Variants in PDE12 observed in about 807,000 individuals in gnomAD.
PDE12 encodes 2',5'-phosphodiesterase 12.
A neutral mutation model predicts 45.4 loss-of-function variants in PDE12; 26 were observed. The observed-to-expected ratio is 0.57, with a 90% CI of 0.42 to 0.79. The LOEUF is 0.79. PDE12 is among the 30% of genes least tolerant of loss of function. The probability of loss-of-function intolerance (pLI) is 0.00; values close to 1 mark genes in which losing one functional copy is unlikely to be tolerated. For missense variants in PDE12, 668 were observed against 790.0 expected (o/e 0.85, Z 1.85); for synonymous variants, 283 against 323.9 (o/e 0.87, Z 1.36).
At chr3:57,652,895 T>C in the PDE12 span, among the ~76,000 whole-genome samples, 3,964 of 152,314 alleles carry the variant, frequency 0.026, 170 homozygotes, top group African/African-American at 0.09. Context: ...AGACTGAAGA[T>C]GACTAATGAG....
At chr3:57,608,530 G>A in the PDE12 span, among the ~76,000 whole-genome samples, 1,250 of 151,872 alleles carry the variant, frequency 8.2e-3, 9 homozygotes, top group Non-Finnish European at 0.014. Context: ...TCAAAATAAA[G>A]GCATGGAGGA....
the PDE12 span, chr3:57,654,825 G>A: frequency 1.0e-6 from 1 of 957,286 alleles, no homozygotes; most frequent in South Asian, 4.8e-5. Flanking sequence ...GCTCAGTCTT[G>A]GTGTAAATCT....
At chr3:57,599,852 CTTT>C in the PDE12 span, among the ~76,000 whole-genome samples, 1 of 129,316 alleles carries the variant, frequency 7.7e-6, no homozygotes, top group Non-Finnish European at 1.6e-5. Flanking sequence ...TATTTACACT[CTTT>C]TTTTTTTTTT....
the PDE12 span, among the ~76,000 whole-genome samples, chr3:57,632,080 C>T: frequency 1.3e-3 from 192 of 142,312 alleles, no homozygotes; most frequent in African/African-American, 4.3e-3. Flanking sequence ...AGTGCAGTGG[C>T]GCGATCTCAG....
At chr3:57,640,929 T>C in the PDE12 span, among the ~76,000 whole-genome samples, 1 of 151,988 alleles carries the variant, frequency 6.6e-6, no homozygotes, top group Non-Finnish European at 1.5e-5. Context: ...ACTCCTACCA[T>C]GAACAAGGTA....
downstream of PDE12, among the ~76,000 whole-genome samples, chr3:57,570,219 G>GTTTTTTTTTTTTTT (rs34599005): frequency 5.1e-4 from 52 of 102,332 alleles, 4 homozygotes; most frequent in African/African-American, 1.9e-3. Flanking sequence ...TTAATCCAGT[G>GTTTTTTTTTTTTTT]TTTTTTTTTT....
rs965282327 is a variant in PDE12, at chr3:57,562,053, A to AT, written c.*2058dup. The AT allele has an allele frequency of 1.3e-4, 123 of 976,428 alleles. No individual in the cohort carries two copies. The highest frequency in any genetic ancestry group is 1.9e-4 in the Admixed American group (3 of 16,184). 60.5% of individuals were successfully genotyped at this position (976,428 alleles called of 1,614,324 possible). On this transcript the variant is annotated 3_prime_UTR_variant, in exon 3 of 3. Transcript: ENST00000311180. Reference sequence around the variant, plus strand: ...AAACCAAATCTTGATTCTCTTGTGAATTTTTTTTTCATTTTAAAAATATGT... The same window carrying AT: ...AAACCAAATCTTGATTCTCTTGTGAATTTTTTTTTTCATTTTAAAAATATGT...
At chr3:57,596,652 G>C in the PDE12 span, 9 of 187,596 alleles carry the variant, frequency 4.8e-5, no homozygotes, top group East Asian at 8.3e-4. Context: ...AAACGCAGAA[G>C]GGGAGGGAAA....
chr3:57,630,598 A>C, the PDE12 span: 1 of 1,524,638 alleles, frequency 6.6e-7, no homozygotes, highest in Non-Finnish European at 8.8e-7. Context: ...TCCTAGTCAG[A>C]GAACCATGTC....
the PDE12 span, among the ~76,000 whole-genome samples, chr3:57,582,270 T>C: frequency 6.6e-6 from 1 of 151,554 alleles, no homozygotes. Context: ...TGAGACAGAG[T>C]CTCGCTTTGT....
At chr3:57,587,515 G>A in the PDE12 span, among the ~76,000 whole-genome samples, 1 of 151,480 alleles carries the variant, frequency 6.6e-6, no homozygotes, top group Admixed American at 6.6e-5. Flanking sequence ...CTCCTCTACT[G>A]ATAGGAATTT....
At chr3:57,637,641 T>C in the PDE12 span, among the ~76,000 whole-genome samples, 77 of 151,928 alleles carry the variant, frequency 5.1e-4, 1 homozygote, top group Middle Eastern at 3.4e-3. Context: ...GCCTGGGTGT[T>C]TTTTAACTCA....
the PDE12 span, chr3:57,598,053 C>T: frequency 1.3e-5 from 2 of 152,158 alleles, no homozygotes; most frequent in Non-Finnish European, 2.9e-5. Flanking sequence ...AAAGAGAAGG[C>T]AAGGAGGAAG....
the PDE12 span, chr3:57,628,960 T>C: frequency 1.5e-6 from 2 of 1,319,166 alleles, no homozygotes; most frequent in African/African-American, 1.5e-5. Flanking sequence ...TAGGTAAGGC[T>C]ACTGTGAAGG....
chr3:57,625,806 C>CA, the PDE12 span: 1 of 152,640 alleles, frequency 6.6e-6, no homozygotes, highest in South Asian at 2.1e-4. Flanking sequence ...CAGTTAAATA[C>CA]AGTAAAAATG....
chr3:57,601,805 C>G, the PDE12 span, among the ~76,000 whole-genome samples: 1 of 141,360 alleles, frequency 7.1e-6, no homozygotes, highest in African/African-American at 2.7e-5. Flanking sequence ...AGTGCAGTGG[C>G]GCTATCTCAG....
the PDE12 span, among the ~76,000 whole-genome samples, chr3:57,643,864 T>G: frequency 6.8e-6 from 1 of 148,034 alleles, no homozygotes; most frequent in Admixed American, 6.7e-5. Flanking sequence ...TAATTATCAG[T>G]CTGGGCCAGG....
Position 57,559,576 on chromosome 3 carries a change from C to T in PDE12, c.1402C>T (p.Leu468Phe), listed in dbSNP as rs764288472. Residue 468 changes from leucine (L) to phenylalanine (F), a missense_variant, in exon 3 of 3, where the codon CTC (leucine) becomes TTC (phenylalanine). Physicochemically the swap from Leu to Phe is conservative, Grantham distance 22. Transcript: ENST00000311180. ...TATATTCATAGGTGGGTATATTCGC[C>T]TCATTCAAATGGCAGTAGCCTTGGC... ...YWHPKGGYIR[L>F]IQMAVALAHI... 1 of 1,606,330 alleles carries T rather than the reference C, an allele frequency of 6.2e-7. No individual in the cohort carries two copies. The highest frequency in any genetic ancestry group is 1.7e-5 in the Admixed American group (1 of 59,626).
the PDE12 span, chr3:57,631,011 G>A: frequency 1.9e-6 from 3 of 1,599,042 alleles, no homozygotes; most frequent in Admixed American, 3.5e-5. Context: ...TAAAAGGAGT[G>A]TCTTCAAAAA....
Sources: gnomAD v4.1 joint callset for allele counts (sites outside exome capture counted in the v4.1 genomes callset) on GRCh38, gnomAD v4.1.1 for gene constraint, MANE v1.5 for transcripts, NCBI Gene and HGNC (gene_info 2026-07-23, HGNC 2026-07-21) for gene names.